Variants in SLC1A2 observed in about 807,000 individuals in gnomAD.
The protein encoded by SLC1A2 is excitatory amino acid transporter 2.
In SLC1A2, 15 loss-of-function variants were observed where a neutral mutation model predicts 48.8. The observed-to-expected ratio is 0.31, with a 90% CI of 0.21 to 0.47. The LOEUF is 0.47. SLC1A2 is among the 20% of genes least tolerant of loss of function. The pLI is 0.99. For synonymous variants in SLC1A2, 279 were observed against 272.6 expected, an observed-to-expected ratio of 1.02 and a Z score of -0.23; for missense variants, 502 against 730.5, an observed-to-expected ratio of 0.69 and a Z score of 3.61.
chr11:35,378,908 A>G lies in SLC1A2; in HGVS notation c.17+40042T>C, dbSNP rs558990046. Among the ~76,000 whole-genome samples, 10 of 152,312 alleles carry G rather than the reference A, an allele frequency of 6.6e-5. 1 individual carries two copies. In the South Asian group the frequency reaches 2.1e-3, roughly 32 times the overall value. On this transcript the variant is annotated intron_variant, in intron 1 of 10. Coordinates refer to ENST00000278379, the MANE Select transcript of SLC1A2 (RefSeq NM_004171.4). ...GATGGAGGGGTAAGTCTGAAGCTCC[A>G]TTGTCTGTGAATTAAATGCATTAAA... is the stretch of plus-strand genomic sequence containing the variant.
chr11:35,420,361 G>A (rs1855755347), upstream of SLC1A2, among the ~76,000 whole-genome samples: 1 of 152,074 alleles, frequency 6.6e-6, no homozygotes, highest in Non-Finnish European at 1.5e-5. Context: ...GACGAGACCT[G>A]TGCAGCTTTG....
At chr11:35,382,126 G>A (rs1202480564) in intron 1 of SLC1A2, among the ~76,000 whole-genome samples, 2 of 152,172 alleles carry the variant, frequency 1.3e-5, no homozygotes, top group Admixed American at 6.5e-5. Flanking sequence ...CAGAAACTAA[G>A]AAATGAAATC....
Position 35,258,918 on chromosome 11 carries a change from C to T in SLC1A2, c.*1976G>A, listed in dbSNP as rs1049622019. 6.7e-6 allele frequency: 1 copy of T among 149,314 alleles called. No individual in the cohort carries two copies. Among genetic ancestry groups the T allele is most frequent in the Admixed American group, 6.7e-5 (1 of 14,930 alleles). 9.2% of individuals were successfully genotyped at this position (149,314 alleles called of 1,614,324 possible). A position where few individuals can be genotyped will look rare whatever the true frequency, so the allele number is the denominator to read the frequency against. On this transcript the variant is annotated 3_prime_UTR_variant, in exon 11 of 11. Transcript: ENST00000278379. Reference sequence around the variant, plus strand: ...TGAGATCGTGCCACTGTACTCCAGCCTGAGCAACAGAGCAAGACTCTGTCT... The same window carrying T: ...TGAGATCGTGCCACTGTACTCCAGCTTGAGCAACAGAGCAAGACTCTGTCT...
chr11:35,290,716 T>G (rs997871829), intron 7 of SLC1A2, among the ~76,000 whole-genome samples: 5 of 84,514 alleles, frequency 5.9e-5, no homozygotes, highest in African/African-American at 1.7e-4. Flanking sequence ...CCAGGTTGGG[T>G]TTTTTTTTTT....
intron 1 of SLC1A2, among the ~76,000 whole-genome samples, chr11:35,327,424 C>T (rs1300974478): frequency 6.6e-6 from 1 of 152,164 alleles, no homozygotes; most frequent in Non-Finnish European, 1.5e-5. Context: ...TAAACATCTC[C>T]TTCAGATGAG....
At chr11:35,420,007 T>C, upstream of SLC1A2, 1 of 457,382 alleles carries the variant, frequency 2.2e-6, no homozygotes, top group Non-Finnish European at 4.5e-6. Flanking sequence ...TGGTGCAGCC[T>C]AAACGCGGCC....
chr11:35,339,475 G>A (rs1314714927), intron 1 of SLC1A2, among the ~76,000 whole-genome samples: 2 of 152,202 alleles, frequency 1.3e-5, no homozygotes, highest in Non-Finnish European at 2.9e-5. Flanking sequence ...GAGATGTTTG[G>A]TTAGTGTGTG....
chr11:35,337,478 T>C (rs147898253), intron 1 of SLC1A2, among the ~76,000 whole-genome samples: 2 of 152,198 alleles, frequency 1.3e-5, no homozygotes, highest in African/African-American at 4.8e-5. Context: ...ACAAATCAGG[T>C]CTTTCCACCA....
At chr11:35,317,622 C>A in intron 1 of SLC1A2, 106 bp from the exon 2 acceptor site, 2 of 1,331,118 alleles carry the variant, frequency 1.5e-6, no homozygotes, top group Non-Finnish European at 2.1e-6. Flanking sequence ...GAATCTGGAA[C>A]CATCTGCAGG....
At chr11:35,380,527 C>T (rs1371893746) in intron 1 of SLC1A2, 1 of 397,944 alleles carries the variant, frequency 2.5e-6, no homozygotes, top group African/African-American at 2.1e-5. Context: ...CATCTTAGTT[C>T]AGGTCTACAG....
chr11:35,389,797 GAC>G (rs1854705167), intron 1 of SLC1A2, among the ~76,000 whole-genome samples: 2 of 151,912 alleles, frequency 1.3e-5, no homozygotes, highest in South Asian at 4.2e-4. Flanking sequence ...TTTTCTTGTA[GAC>G]ACCAGGTCTT....
At chr11:35,368,157 C>T (rs947713939) in intron 1 of SLC1A2, among the ~76,000 whole-genome samples, 5 of 152,166 alleles carry the variant, frequency 3.3e-5, no homozygotes, top group Non-Finnish European at 7.4e-5. Context: ...CAATGCACCC[C>T]CAATCATCTC....
chr11:35,292,234 C>A lies in SLC1A2; in HGVS notation c.1091+53G>T. The A allele has an allele frequency of 3.1e-6, 4 of 1,303,494 alleles. No individual in the cohort carries two copies. The South Asian group carries it at 5.1e-5, about 17-fold the overall frequency. 80.7% of individuals were successfully genotyped at this position (1,303,494 alleles called of 1,614,324 possible). The stretch of plus-strand genomic sequence containing the variant: ...GAGGGTTTTGAGAAATGAGAAATGG[C>A]AAAGAGGGCAAAAGAGTGAGCAAAG... On this transcript the variant is annotated intron_variant, in intron 7 of 10. Coordinates refer to ENST00000278379, the MANE Select transcript of SLC1A2 (RefSeq NM_004171.4).
intron 1 of SLC1A2, among the ~76,000 whole-genome samples, chr11:35,368,954 C>T (rs1565281331): frequency 6.6e-6 from 1 of 152,208 alleles, no homozygotes; most frequent in Non-Finnish European, 1.5e-5. Context: ...TGGACAGTGC[C>T]ATTCCTGTAC....
At chr11:35,325,424 T>C (rs944299274) in intron 1 of SLC1A2, among the ~76,000 whole-genome samples, 6 of 152,212 alleles carry the variant, frequency 3.9e-5, no homozygotes, top group African/African-American at 1.4e-4. Context: ...ACAAACTGTG[T>C]CTTATTTGTC....
intron 1 of SLC1A2, chr11:35,370,970 C>T: frequency 1.0e-6 from 1 of 985,286 alleles, no homozygotes; most frequent in Non-Finnish European, 1.2e-6. Flanking sequence ...CATTCCATTT[C>T]TGCCAGGGTA....
At chr11:35,382,225 T>A (rs1854447950) in intron 1 of SLC1A2, among the ~76,000 whole-genome samples, 1 of 152,246 alleles carries the variant, frequency 6.6e-6, no homozygotes, top group South Asian at 2.1e-4. Flanking sequence ...GTTGGACCTT[T>A]ACTTACCATT....
chr11:35,284,763 G>C (rs551906595), intron 8 of SLC1A2, among the ~76,000 whole-genome samples: 36 of 152,274 alleles, frequency 2.4e-4, no homozygotes, highest in East Asian at 1.9e-4. Flanking sequence ...GCTCTGAAGT[G>C]GCCATTCCAT....
At chr11:35,416,025 C>T (rs1282968283) in intron 1 of SLC1A2, among the ~76,000 whole-genome samples, 1 of 152,212 alleles carries the variant, frequency 6.6e-6, no homozygotes, top group South Asian at 2.1e-4. Flanking sequence ...AAAAAGAATG[C>T]TCAACTATTA....
Sources: gnomAD v4.1 joint callset for allele counts (sites outside exome capture counted in the v4.1 genomes callset) on GRCh38, gnomAD v4.1.1 for gene constraint, MANE v1.5 for transcripts, NCBI Gene and HGNC (gene_info 2026-07-23, HGNC 2026-07-21) for gene names.